Variants in AFF3 observed in about 807,000 individuals in gnomAD.
AFF3 encodes AF4/FMR2 family member 3.
In AFF3, 32 loss-of-function variants were observed where a neutral mutation model predicts 129.7. The ratio of observed to expected loss-of-function variants is 0.25; its 90% CI spans 0.19 to 0.33. The LOEUF (loss-of-function observed/expected upper bound fraction) is 0.33. Ranked by LOEUF, AFF3 falls within the 10% of genes least tolerant of loss-of-function variation. The pLI is 1.00. For synonymous variants in AFF3, 644 were observed against 635.4 expected (o/e 1.01, Z -0.20); for missense variants, 1,373 against 1,592.0 (o/e 0.86, Z 2.34).
chr2:100,125,983 AACT>A (rs1223159015), intron 2 of AFF3, among the ~76,000 whole-genome samples: 1 of 152,192 alleles, frequency 6.6e-6, no homozygotes, highest in Non-Finnish European at 1.5e-5. Flanking sequence ...TTCTGTTCTT[AACT>A]GATCAGGAAT....
chr2:99,582,453 C>G (rs917305528), intron 17 of AFF3, among the ~76,000 whole-genome samples: 1 of 152,198 alleles, frequency 6.6e-6, no homozygotes, highest in Admixed American at 6.5e-5. Flanking sequence ...TAACTCTGCC[C>G]TGGGATAAGA....
chr2:100,082,862 C>A (rs1477793333), intron 4 of AFF3, among the ~76,000 whole-genome samples: 1 of 152,126 alleles, frequency 6.6e-6, no homozygotes, highest in Admixed American at 6.6e-5. Context: ...AGGCAGATCA[C>A]CTGTGGTTGA....
intron 7 of AFF3, among the ~76,000 whole-genome samples, chr2:99,908,573 C>T (rs1210410501): frequency 6.6e-6 from 1 of 152,106 alleles, no homozygotes; most frequent in Admixed American, 6.5e-5. Context: ...TTGCAACATA[C>T]TCATCTGACA....
rs571728079 is a variant in AFF3 at position 100,061,060 on chromosome 2, T to C, written c.53+43342A>G. ...AGACCCAGATTATGGGTTTTTCAGG[T>C]CACAGAGATGAAACATCCTTCTCAC... On this transcript the variant is annotated intron_variant, in intron 4 of 24. Transcript: ENST00000672756. 7.9e-5 allele frequency among the ~76,000 whole-genome samples: 12 copies of C among 152,312 alleles called. No homozygotes were observed. The South Asian group carries it at 2.3e-3, about 29-fold the overall frequency.
chr2:100,137,184 A>G (rs1216926685), intron 1 of AFF3, among the ~76,000 whole-genome samples: 1 of 152,226 alleles, frequency 6.6e-6, no homozygotes, highest in Admixed American at 6.5e-5. Context: ...AATCTCTGCT[A>G]GTAAAATCGT....
At chr2:99,785,940 G>C (rs1396895624) in intron 8 of AFF3, among the ~76,000 whole-genome samples, 2 of 151,976 alleles carry the variant, frequency 1.3e-5, no homozygotes, top group Non-Finnish European at 2.9e-5. Flanking sequence ...GTACAGATGG[G>C]GTTTCACCAT....
rs184552769 is a variant in AFF3 at position 99,966,026 on chromosome 2, C to T, written c.873+40606G>A. On this transcript the variant is annotated intron_variant, in intron 7 of 24. Coordinates refer to ENST00000672756, the MANE Select transcript of AFF3 (RefSeq NM_001386135.1). Reference sequence around the variant, plus strand: ...CATTTTTGTTTACTTTAAAGCACTACGAAAAATCCAAGATATTAAAATTAT... The same window carrying T: ...CATTTTTGTTTACTTTAAAGCACTATGAAAAATCCAAGATATTAAAATTAT... 3.3e-5 allele frequency among the ~76,000 whole-genome samples: 5 copies of T among 152,134 alleles called. No homozygotes were observed. In the South Asian group the frequency reaches 6.2e-4, roughly 19 times the overall value.
intron 11 of AFF3, among the ~76,000 whole-genome samples, chr2:99,698,539 T>C (rs1218777300): frequency 2.6e-5 from 4 of 152,246 alleles, no homozygotes; most frequent in African/African-American, 7.2e-5. Context: ...CTTTTGATAT[T>C]GAGACAGTGG....
intron 7 of AFF3, among the ~76,000 whole-genome samples, chr2:99,866,191 T>G (rs972514923): frequency 5.9e-5 from 9 of 152,246 alleles, no homozygotes; most frequent in African/African-American, 2.2e-4. Context: ...TGAGTTACAC[T>G]ATGTACCTCT....
intron 13 of AFF3, among the ~76,000 whole-genome samples, chr2:99,639,387 CCT>C (rs1296518474): frequency 6.6e-6 from 1 of 152,158 alleles, no homozygotes. Flanking sequence ...ACCTCTGTGG[CCT>C]CTCTGTTGGA....
At chr2:99,720,875 A>C (rs1678828553) in intron 11 of AFF3, among the ~76,000 whole-genome samples, 2 of 152,124 alleles carry the variant, frequency 1.3e-5, no homozygotes. Context: ...TTTAGATTTA[A>C]TGTCATATCA....
intron 7 of AFF3, among the ~76,000 whole-genome samples, chr2:99,930,697 G>T (rs573973205): frequency 6.6e-6 from 1 of 152,162 alleles, no homozygotes; most frequent in South Asian, 2.1e-4. Context: ...ATGCAGATGG[G>T]GGGAGGGAAG....
chr2:99,929,160 T>A (rs1400213576), intron 7 of AFF3, among the ~76,000 whole-genome samples: 2 of 152,122 alleles, frequency 1.3e-5, no homozygotes, highest in Non-Finnish European at 2.9e-5. Flanking sequence ...AAACCCCGTC[T>A]CTACTAAAAA....
At chr2:99,675,959 G>A (rs373982449) in intron 11 of AFF3, among the ~76,000 whole-genome samples, 1 of 149,958 alleles carries the variant, frequency 6.7e-6, no homozygotes, top group Non-Finnish European at 1.5e-5. Context: ...TTAGGCTACT[G>A]GGGAGGGGTG....
chr2:100,115,393 G>GA (rs1691698454), intron 2 of AFF3, among the ~76,000 whole-genome samples: 1 of 151,880 alleles, frequency 6.6e-6, no homozygotes, highest in African/African-American at 2.4e-5. Flanking sequence ...ACTAAAAATA[G>GA]AAAAAATAGC....
chr2:99,694,860 C>T (rs1676043659), intron 11 of AFF3, among the ~76,000 whole-genome samples: 1 of 152,018 alleles, frequency 6.6e-6, no homozygotes. Flanking sequence ...GCGCGTGCCA[C>T]ATCCTGGCTA....
intron 11 of AFF3, among the ~76,000 whole-genome samples, chr2:99,710,685 GA>G (rs1162814393): frequency 1.3e-5 from 2 of 152,168 alleles, no homozygotes; most frequent in African/African-American, 4.8e-5. Flanking sequence ...GTGCCTGCCT[GA>G]ATGTGAAAGT....
chr2:100,142,422 G>A (rs1469166549), intron 1 of AFF3, 62 bp downstream of exon 1: 1 of 152,118 alleles, frequency 6.6e-6, no homozygotes, highest in Non-Finnish European at 1.5e-5. Flanking sequence ...ACAAAGTCGG[G>A]GCTACCTCTC....
At chr2:99,696,273 A>C (rs1676256633) in intron 11 of AFF3, among the ~76,000 whole-genome samples, 1 of 152,228 alleles carries the variant, frequency 6.6e-6, no homozygotes, top group Non-Finnish European at 1.5e-5. Context: ...ATTCCACTCC[A>C]ACTCTTTGCA....
Sources: gnomAD v4.1 joint callset for allele counts (sites outside exome capture counted in the v4.1 genomes callset) on GRCh38, gnomAD v4.1.1 for gene constraint, MANE v1.5 for transcripts, NCBI Gene and HGNC (gene_info 2026-07-23, HGNC 2026-07-21) for gene names.